COMMD10: variants seen among roughly 807,000 people sequenced by gnomAD.
The protein encoded by COMMD10 is COMM domain containing 10.
Under a neutral mutation model 28.9 loss-of-function variants are expected in COMMD10, and 33 were observed. The observed-to-expected ratio is 1.14, with a 90% CI of 0.87 to 1.53. COMMD10 has a LOEUF of 1.53. Among genes scored for constraint, COMMD10 ranks in the 40% most tolerant of loss-of-function variants. The probability of loss-of-function intolerance (pLI) is 0.00; values close to 1 mark genes in which losing one functional copy is unlikely to be tolerated. For synonymous variants in COMMD10, 110 were observed against 81.7 expected (o/e 1.35, Z -1.87); for missense variants, 310 against 233.4 (o/e 1.33, Z -2.14).
intron 5 of COMMD10, among the ~76,000 whole-genome samples, chr5:116,153,141 C>T (rs1475139250): frequency 6.6e-6 from 1 of 151,982 alleles, no homozygotes; most frequent in Non-Finnish European, 1.5e-5. Context: ...CTATATGTTT[C>T]CTAAAAGTGA....
chr5:116,220,265 A>G (rs1749213540), intron 5 of COMMD10, among the ~76,000 whole-genome samples: 1 of 152,178 alleles, frequency 6.6e-6, no homozygotes, highest in Non-Finnish European at 1.5e-5. Flanking sequence ...AGTTTCTCAA[A>G]CACATTCTGT....
At chr5:116,190,531 A>G (rs1748330981) in intron 5 of COMMD10, among the ~76,000 whole-genome samples, 1 of 152,188 alleles carries the variant, frequency 6.6e-6, no homozygotes, top group Non-Finnish European at 1.5e-5. Flanking sequence ...TCCATAACCC[A>G]TTACACTGCT....
intron 5 of COMMD10, among the ~76,000 whole-genome samples, chr5:116,282,582 C>G (rs904180328): frequency 3.3e-5 from 5 of 151,818 alleles, no homozygotes; most frequent in Non-Finnish European, 5.9e-5. Flanking sequence ...CAAAGTAACA[C>G]AAACGAGGTA....
chr5:116,184,494 C>T (rs559932064), intron 5 of COMMD10, among the ~76,000 whole-genome samples: 2 of 151,990 alleles, frequency 1.3e-5, no homozygotes, highest in East Asian at 1.9e-4. Context: ...ATTTCACCTC[C>T]ACCCCGCCTT....
chr5:116,228,129 CCTG>C (rs1196599585), intron 5 of COMMD10, among the ~76,000 whole-genome samples: 1 of 151,954 alleles, frequency 6.6e-6, no homozygotes, highest in African/African-American at 2.4e-5. Flanking sequence ...TGGCCTCATT[CCTG>C]CTTTCTTTAA....
chr5:116,198,921 A>G (rs538192804), intron 5 of COMMD10, among the ~76,000 whole-genome samples: 1 of 152,312 alleles, frequency 6.6e-6, no homozygotes, highest in Admixed American at 6.5e-5. Flanking sequence ...TGTACCATCC[A>G]TGTGCAAATT....
At chr5:116,128,892 G>A (rs1232117944) in intron 4 of COMMD10, among the ~76,000 whole-genome samples, 2 of 151,786 alleles carry the variant, frequency 1.3e-5, no homozygotes, top group East Asian at 1.9e-4. Context: ...TGTAAGTGAC[G>A]TTGTGACTTT....
At chr5:116,207,496 C>A (rs992878051) in intron 5 of COMMD10, among the ~76,000 whole-genome samples, 4 of 151,456 alleles carry the variant, frequency 2.6e-5, no homozygotes, top group African/African-American at 4.8e-5. Context: ...CAGAACATTG[C>A]AGTATCAGAG....
intron 5 of COMMD10, among the ~76,000 whole-genome samples, chr5:116,168,622 A>C (rs1402854100): frequency 6.6e-6 from 1 of 151,846 alleles, no homozygotes; most frequent in African/African-American, 2.4e-5. Flanking sequence ...AATGGAAATC[A>C]TAACAGACTC....
intron 4 of COMMD10, among the ~76,000 whole-genome samples, chr5:116,120,171 C>A (rs1168258542): frequency 6.6e-6 from 1 of 152,072 alleles, no homozygotes; most frequent in Non-Finnish European, 1.5e-5. Context: ...ACTACTCAGC[C>A]ATAAAAAGGA....
At chr5:116,094,372 T>G (rs1361777823) in intron 4 of COMMD10, among the ~76,000 whole-genome samples, 1 of 152,196 alleles carries the variant, frequency 6.6e-6, no homozygotes, top group Non-Finnish European at 1.5e-5. Flanking sequence ...AAACAAATGC[T>G]TCTTGAAAGA....
chr5:116,112,222 AT>A (rs983293646), intron 4 of COMMD10, among the ~76,000 whole-genome samples: 1 of 152,038 alleles, frequency 6.6e-6, no homozygotes, highest in South Asian at 2.1e-4. Flanking sequence ...TGACTTCATT[AT>A]TTTTTACTAT....
intron 5 of COMMD10, among the ~76,000 whole-genome samples, chr5:116,171,143 A>AGAC (rs150326837): frequency 0.31 from 47,213 of 151,400 alleles, 10,263 homozygotes; most frequent in African/African-American, 0.63. Flanking sequence ...TACATGAAGA[A>AGAC]AACTGCATCA....
At chr5:116,131,434 T>C (rs550099915) in intron 4 of COMMD10, among the ~76,000 whole-genome samples, 163 of 152,036 alleles carry the variant, frequency 1.1e-3, no homozygotes, top group Middle Eastern at 6.8e-3. Flanking sequence ...TATGTATGTG[T>C]ATGTGAAGAA....
chr5:116,218,947 G>A (rs1330337837), intron 5 of COMMD10, among the ~76,000 whole-genome samples: 1 of 152,136 alleles, frequency 6.6e-6, no homozygotes, highest in Non-Finnish European at 1.5e-5. Context: ...GTCTGTATTT[G>A]GAGATAGGGC....
chr5:116,243,286 T>G (rs1749860350), intron 5 of COMMD10, among the ~76,000 whole-genome samples: 1 of 152,164 alleles, frequency 6.6e-6, no homozygotes, highest in Non-Finnish European at 1.5e-5. Context: ...TGACTCAATT[T>G]GCATTACATA....
intron 4 of COMMD10, among the ~76,000 whole-genome samples, chr5:116,106,865 G>T (rs1264682243): frequency 6.6e-6 from 1 of 152,092 alleles, no homozygotes; most frequent in Non-Finnish European, 1.5e-5. Context: ...TTGAGCCTAT[G>T]TGTGTCTTTG....
At chr5:116,241,114 A>C (rs1465396531) in intron 5 of COMMD10, among the ~76,000 whole-genome samples, 1 of 152,208 alleles carries the variant, frequency 6.6e-6, no homozygotes, top group African/African-American at 2.4e-5. Context: ...AGGTCACTTC[A>C]GAACTACTAA....
intron 5 of COMMD10, among the ~76,000 whole-genome samples, chr5:116,248,301 T>G (rs1328990311): frequency 6.6e-6 from 1 of 151,984 alleles, no homozygotes; most frequent in Non-Finnish European, 1.5e-5. Flanking sequence ...CATTGAAAGT[T>G]TCAGATACAG....
Sources: allele counts gnomAD v4.1 joint callset (sites outside exome capture counted in the v4.1 genomes callset), GRCh38; gene constraint gnomAD v4.1.1; transcripts MANE v1.5; gene names NCBI Gene and HGNC (gene_info 2026-07-23, HGNC 2026-07-21).